Variants in RBFOX1 observed in about 807,000 individuals in gnomAD.
RBFOX1 encodes RNA binding fox-1 homolog 1.
In RBFOX1, 8 loss-of-function variants were observed where a neutral mutation model predicts 57.7. The ratio of observed to expected loss-of-function variants is 0.14; its 90% confidence interval spans 0.08 to 0.25. The LOEUF (loss-of-function observed/expected upper bound fraction) is 0.25. RBFOX1 is among the 10% of genes least tolerant of loss of function. The pLI is 1.00. For synonymous variants in RBFOX1, 326 were observed against 222.4 expected (o/e 1.47, Z -4.15); for missense variants, 611 against 548.5 (o/e 1.11, Z -1.14).
At chr16:6,675,140 G>A (rs879827032) in intron 3 of RBFOX1, among the ~76,000 whole-genome samples, 4 of 151,986 alleles carry the variant, frequency 2.6e-5, no homozygotes, top group South Asian at 4.2e-4. Context: ...TCTTGACCTC[G>A]TGATCCGCCC....
Position 6,273,625 on chromosome 16 carries a change from C to T in RBFOX1, c.-126-43370C>T, listed in dbSNP as rs1012873940. 7.4e-4 allele frequency among the ~76,000 whole-genome samples: 112 copies of T among 152,048 alleles called. 1 individual carries two copies. The highest frequency in any genetic ancestry group is 3.4e-3 in the Middle Eastern group (1 of 294). ...CCCCCCAAAGTGCTGGGCTTATAGGCGTGAGCCACCATGCTTGGCCTAGAG... is the reference window on the plus strand; with the variant it reads ...CCCCCCAAAGTGCTGGGCTTATAGGTGTGAGCCACCATGCTTGGCCTAGAG... On this transcript the variant is annotated intron_variant, in intron 1 of 15. Transcript: ENST00000550418.
chr16:7,239,415 C>G (rs563834598), intron 4 of RBFOX1, among the ~76,000 whole-genome samples: 3 of 152,168 alleles, frequency 2.0e-5, no homozygotes, highest in South Asian at 2.1e-4. Flanking sequence ...ACCAGAATTG[C>G]TTAAACCTGG....
chr16:7,042,434 T>G (rs1335230312), intron 3 of RBFOX1, among the ~76,000 whole-genome samples: 3 of 152,200 alleles, frequency 2.0e-5, no homozygotes, highest in African/African-American at 7.2e-5. Flanking sequence ...TTTTAGGAAT[T>G]CACTCACTCT....
At chr16:6,418,835 G>C (rs1022631093) in intron 2 of RBFOX1, among the ~76,000 whole-genome samples, 6 of 152,084 alleles carry the variant, frequency 3.9e-5, no homozygotes, top group Non-Finnish European at 8.8e-5. Flanking sequence ...GGCCCTTCAT[G>C]CAAGTTTGAT....
chr16:7,518,130 C>A lies in RBFOX1; in HGVS notation c.28-17C>A. ...TCATGACGTTCTCTCCCTCTCTGCA[C>A]CTTTTTGATTTTTCAGGGTAATCAG... is the stretch of plus-strand genomic sequence containing the variant. On this transcript the variant is annotated splice_polypyrimidine_tract_variant and intron_variant, in intron 4 of 15. Coordinates refer to ENST00000550418, the MANE Select transcript of RBFOX1 (RefSeq NM_018723.4). 1 of 1,604,544 alleles carries A rather than the reference C, an allele frequency of 6.2e-7. No individual in the cohort carries two copies. Among genetic ancestry groups the A allele is most frequent in the Non-Finnish European group, 8.5e-7 (1 of 1,174,876 alleles).
rs542736733 is a variant in RBFOX1, at chr16:6,979,427, C to G, written c.-15-72630C>G. ...CCACTAAATTAAAGTTGAAGAAAGT[C>G]CTTTGAACAGAAGAAATTACAGTGA... On this transcript the variant is annotated intron_variant, in intron 3 of 15. Coordinates refer to ENST00000550418, the MANE Select transcript of RBFOX1 (RefSeq NM_018723.4). Among the ~76,000 whole-genome samples, 3 of 152,260 alleles carry G rather than the reference C, an allele frequency of 2.0e-5. No individual in the cohort carries two copies. The South Asian group carries it at 6.2e-4, about 32-fold the overall frequency.
intron 1 of RBFOX1, among the ~76,000 whole-genome samples, chr16:6,295,179 A>G (rs1313004705): frequency 1.4e-5 from 2 of 144,300 alleles, no homozygotes; most frequent in African/African-American, 5.3e-5. Context: ...GCTGGAGTGC[A>G]GTGGTGCGAT....
At chr16:5,865,612 AGT>A (rs2057326999) in intron 3 of RBFOX1, among the ~76,000 whole-genome samples, 1 of 152,234 alleles carries the variant, frequency 6.6e-6, no homozygotes, top group Non-Finnish European at 1.5e-5. Context: ...AAGCCAGGTC[AGT>A]GGGAGCTGCA....
intron 3 of RBFOX1, among the ~76,000 whole-genome samples, chr16:7,030,601 G>A (rs536340792): frequency 1.1e-4 from 17 of 152,130 alleles, no homozygotes; most frequent in Admixed American, 6.6e-4. Flanking sequence ...TTGCTATTTC[G>A]TATGTGGACA....
At chr16:6,248,898 C>T (rs543237784) in intron 1 of RBFOX1, among the ~76,000 whole-genome samples, 1 of 152,118 alleles carries the variant, frequency 6.6e-6, no homozygotes, top group Non-Finnish European at 1.5e-5. Context: ...GGGGAGTGCT[C>T]AGAGAGCATT....
chr16:7,451,543 C>T (rs888349352), intron 4 of RBFOX1, among the ~76,000 whole-genome samples: 2 of 151,938 alleles, frequency 1.3e-5, no homozygotes, highest in African/African-American at 2.4e-5. Context: ...AGATCTCAAC[C>T]CTACACTCAT....
intron 1 of RBFOX1, among the ~76,000 whole-genome samples, chr16:6,187,276 T>C (rs2097111341): frequency 6.6e-6 from 1 of 152,078 alleles, no homozygotes; most frequent in African/African-American, 2.4e-5. Context: ...CGATCGATGT[T>C]TTCTTGGAGA....
chr16:7,672,123 G>C (rs1476593741), intron 13 of RBFOX1, among the ~76,000 whole-genome samples: 1 of 152,170 alleles, frequency 6.6e-6, no homozygotes, highest in Non-Finnish European at 1.5e-5. Flanking sequence ...GGTCTTAGTA[G>C]AGCTGATCAG....
chr16:7,430,757 G>C (rs992424635), intron 4 of RBFOX1, among the ~76,000 whole-genome samples: 7 of 152,120 alleles, frequency 4.6e-5, no homozygotes, highest in Non-Finnish European at 1.0e-4. Flanking sequence ...AGTGGCCAGG[G>C]TCCACACAGG....
intron 4 of RBFOX1, among the ~76,000 whole-genome samples, chr16:5,949,398 C>A (rs969815584): frequency 4.0e-5 from 6 of 151,516 alleles, no homozygotes; most frequent in African/African-American, 1.5e-4. Context: ...TGGTGGTGGG[C>A]GCCTGTAGTC....
chr16:5,271,108 G>C (rs961615315), intron 1 of RBFOX1, among the ~76,000 whole-genome samples: 24 of 152,182 alleles, frequency 1.6e-4, no homozygotes, highest in Non-Finnish European at 2.9e-4. Context: ...ACTTGAACCT[G>C]GGAGACAGAG....
intron 4 of RBFOX1, among the ~76,000 whole-genome samples, chr16:7,147,974 G>C (rs1434660607): frequency 1.3e-5 from 2 of 152,128 alleles, no homozygotes; most frequent in Admixed American, 1.3e-4. Context: ...TGCCTAGTTA[G>C]AACCTTGCAG....
chr16:7,168,466 C>G (rs567155688), intron 4 of RBFOX1, among the ~76,000 whole-genome samples: 1 of 152,248 alleles, frequency 6.6e-6, no homozygotes, highest in African/African-American at 2.4e-5. Context: ...TTGGCGAGCT[C>G]AAAGAGGTGG....
At chr16:6,039,121 G>A (rs1201353033) in intron 1 of RBFOX1, 1 of 151,686 alleles carries the variant, frequency 6.6e-6, no homozygotes, top group Non-Finnish European at 1.5e-5. Flanking sequence ...GGGACCAGAT[G>A]GCCAGTGGGT....
Sources: gnomAD v4.1 joint callset for allele counts (sites outside exome capture counted in the v4.1 genomes callset) on GRCh38, gnomAD v4.1.1 for gene constraint, MANE v1.5 for transcripts, NCBI Gene and HGNC (gene_info 2026-07-23, HGNC 2026-07-21) for gene names.